The following ITGA3 variants were observed in gnomAD, a reference collection of about 807,000 sequenced individuals.
The protein encoded by ITGA3 is integrin alpha-3.
Under a neutral mutation model 131.1 loss-of-function variants are expected in ITGA3, and 70 were observed. That is an observed-to-expected ratio of 0.53 (90% CI 0.44 to 0.65). The LOEUF (loss-of-function observed/expected upper bound fraction) is 0.65, where lower values mean the gene tolerates loss of function less well. Among genes scored for constraint, ITGA3 ranks in the 30% least tolerant of loss-of-function variants. The probability of loss-of-function intolerance (pLI) is 0.00; values close to 1 mark genes in which losing one functional copy is unlikely to be tolerated. For missense variants in ITGA3, 1,098 were observed against 1,388.6 expected, an observed-to-expected ratio of 0.79 and a Z score of 3.33; for synonymous variants, 537 against 571.6, an observed-to-expected ratio of 0.94 and a Z score of 0.86.
chr17:50,072,234 C>T (rs763974233), intron 7 of ITGA3, 52 bp downstream of exon 7: 1 of 1,504,072 alleles, frequency 6.6e-7, no homozygotes. Flanking sequence ...CCCCTCCTCC[C>T]AGCACCCCTA....
intron 1 of ITGA3, among the ~76,000 whole-genome samples, chr17:50,063,274 C>T (rs974040443): frequency 3.9e-5 from 6 of 152,204 alleles, no homozygotes; most frequent in African/African-American, 1.2e-4. Flanking sequence ...GGGAACTCTG[C>T]TCTGGGGCCA....
intron 12 of ITGA3, among the ~76,000 whole-genome samples, 181 bp downstream of exon 12, chr17:50,075,916 G>A (rs753527407): frequency 6.6e-6 from 1 of 152,162 alleles, no homozygotes; most frequent in Non-Finnish European, 1.5e-5. Flanking sequence ...GAGGAGTGAT[G>A]GAGACCCTTG....
chr17:50,072,170 G>C lies in ITGA3; in HGVS notation c.1144G>C (p.Asp382His). Reference sequence around the variant, plus strand: ...GGCCAGCATTGGTGACATCAACCAGGATGGATTTCAGGGTATGAGCCAGCA... The same window carrying C: ...GGCCAGCATTGGTGACATCAACCAGCATGGATTTCAGGGTATGAGCCAGCA... ...SVASIGDINQ[D>H]GFQDIAVGAP... The change falls in exon 7 of 26, where the codon GAT becomes CAT. Residue 382 changes from aspartate (D) to histidine (H), a missense_variant. By Grantham distance (81) the Asp-to-His change is moderately conservative (BLOSUM62 -1). Coordinates refer to ENST00000320031, the MANE Select transcript of ITGA3 (RefSeq NM_002204.4). 6.2e-7 allele frequency: 1 copy of C among 1,613,268 alleles called. No individual in the cohort carries two copies. Among genetic ancestry groups the C allele is most frequent in the Non-Finnish European group, 8.5e-7 (1 of 1,179,864 alleles).
Position 50,074,480 on chromosome 17 carries a change from C to T in ITGA3, c.1415C>T (p.Thr472Ile), listed in dbSNP as rs773673876. Residue 472 changes from threonine (T) to isoleucine (I), a missense_variant, in exon 10 of 26, where the codon ACC becomes ATC. By Grantham distance (89) the Thr-to-Ile change is moderately conservative. Coordinates refer to ENST00000320031, the MANE Select transcript of ITGA3 (RefSeq NM_002204.4). ...ARPVINIVHKTLVPRPAVLDP... is the reference protein window; with the variant it reads ...ARPVINIVHKILVPRPAVLDP... ...CCCGTCATCAACATCGTCCACAAGA[C>T]CTTGGTGCCCAGGCCAGCTGTGCTG... 9 of 1,614,002 alleles carry T rather than the reference C, an allele frequency of 5.6e-6. No individual in the cohort carries two copies. The highest frequency in any genetic ancestry group is 7.6e-6 in the Non-Finnish European group (9 of 1,180,028).
intron 21 of ITGA3, 45 bp from the exon 22 acceptor site, chr17:50,080,217 G>A (rs1249285092): frequency 3.4e-6 from 4 of 1,183,574 alleles, no homozygotes; most frequent in Non-Finnish European, 5.0e-6. Context: ...TGAAGAATCT[G>A]GAGACTCAGA....
rs1401835929 is a variant in ITGA3, at chr17:50,064,975, G to C, written c.414+368G>C. 1 of 178,602 alleles carries C rather than the reference G, an allele frequency of 5.6e-6. No homozygotes were observed. The highest frequency in any genetic ancestry group is 1.2e-5 in the Non-Finnish European group (1 of 85,848). 11.1% of individuals were successfully genotyped at this position (178,602 alleles called of 1,614,324 possible). ...GCTGGCTGGCGCTCCTTCCTGGGAG[G>C]CTGACTGCCGGAAGAGGCCCAGCCC... On this transcript the variant is annotated intron_variant, in intron 3 of 25. Coordinates refer to ENST00000320031, the MANE Select transcript of ITGA3 (RefSeq NM_002204.4). This position sits in a 1 kb window ranked among gnomAD's most constrained non-coding sequence, Gnocchi z 4.4.
rs1312269788 is a variant in ITGA3, at chr17:50,072,111, A to C, written c.1085A>C (p.His362Pro). Reference protein sequence around the residue: ...SFPAHPSLLLHGPSGSAFGLS... With the variant: ...SFPAHPSLLLPGPSGSAFGLS... ...CCTGCTCACCCCTCACTCCTTCTTC[A>C]TGGCCCCAGTGGCTCTGCCTTTGGT... The change falls in exon 7 of 26, where the codon CAT (histidine) becomes CCT (proline). Residue 362 changes from histidine (H) to proline (P), a missense_variant. Transcript: ENST00000320031. The C allele has an allele frequency of 1.2e-6, 2 of 1,613,962 alleles. No individual in the cohort carries two copies. The highest frequency in any genetic ancestry group is 2.2e-5 in the East Asian group (1 of 44,864).
At chr17:50,057,908 G>A (rs1231857822) in intron 1 of ITGA3, among the ~76,000 whole-genome samples, 1 of 152,202 alleles carries the variant, frequency 6.6e-6, no homozygotes, top group Non-Finnish European at 1.5e-5. Flanking sequence ...CTCTTGCAGA[G>A]GCTAGGGCTA....
At chr17:50,058,854 T>C (rs1907950819) in intron 1 of ITGA3, among the ~76,000 whole-genome samples, 3 of 152,184 alleles carry the variant, frequency 2.0e-5, no homozygotes, top group African/African-American at 7.2e-5. Flanking sequence ...GAAAGTCTCT[T>C]TGGAAAAGTG....
intron 1 of ITGA3, among the ~76,000 whole-genome samples, chr17:50,059,129 C>CCAACCCAGGGCCCAGTCT (rs1907962310): frequency 1.3e-5 from 2 of 152,190 alleles, no homozygotes; most frequent in South Asian, 4.1e-4. Context: ...GGGGCTAGCC[C>CCAACCCAGGGCCCAGTCT]CAACCCAGGG....
intron 23 of ITGA3, 191 bp from the exon 24 acceptor site, chr17:50,087,553 G>A (rs1598200396): frequency 3.5e-6 from 2 of 578,890 alleles, no homozygotes; most frequent in South Asian, 2.5e-5. Flanking sequence ...AGTCAAGTCT[G>A]TGCCTGGGAG....
intron 6 of ITGA3, 55 bp from the exon 7 acceptor site, chr17:50,071,931 A>G: frequency 1.2e-5 from 18 of 1,478,234 alleles, no homozygotes; most frequent in Non-Finnish European, 1.7e-5. Context: ...AACAAGAACT[A>G]TGCTGCATAT....
intron 19 of ITGA3, 63 bp from the exon 20 acceptor site, chr17:50,079,013 G>A (rs531771729): frequency 1.3e-6 from 2 of 1,541,482 alleles, no homozygotes; most frequent in Admixed American, 3.3e-5. Flanking sequence ...GGAGGGTTGG[G>A]GGTTGGTAAG....
intron 3 of ITGA3, among the ~76,000 whole-genome samples, chr17:50,067,050 G>A (rs1294633239): frequency 6.6e-6 from 1 of 152,064 alleles, no homozygotes; most frequent in Non-Finnish European, 1.5e-5. Flanking sequence ...TGTGGTCTAG[G>A]AGCCCATTTA....
chr17:50,082,421 C>T (rs1909227641), intron 23 of ITGA3, among the ~76,000 whole-genome samples: 1 of 152,174 alleles, frequency 6.6e-6, no homozygotes, highest in South Asian at 2.1e-4. Flanking sequence ...TTGTGATCCA[C>T]CTGCCTCGGC....
At position 50,078,225 on chromosome 17, in the gene ITGA3, C is replaced by A. The variant is rs753132584; in HGVS notation, c.2238C>A (p.Asn746Lys). 177 of 1,613,930 alleles carry A rather than the reference C, an allele frequency of 1.1e-4. No individual in the cohort carries two copies. The highest frequency in any genetic ancestry group is 1.5e-4 in the Non-Finnish European group (174 of 1,179,976). ...TCCCAAGGTCGAGTCACCAGGACAACCTGTGGCCCATGATCCTCACTCTGC... is the reference window on the plus strand; with the variant it reads ...TCCCAAGGTCGAGTCACCAGGACAAACTGTGGCCCATGATCCTCACTCTGC... ...LQLSTSSHQD[N>K]LWPMILTLLV... Residue 746 changes from asparagine to lysine, a missense_variant, in exon 18 of 26, where the codon AAC (asparagine) becomes AAA (lysine). Asn to Lys is a moderately conservative substitution (Grantham distance 94). Transcript: ENST00000320031.
At position 50,078,877 on chromosome 17, in the gene ITGA3, G is replaced by T. The variant is rs1176098282; in HGVS notation, c.2351G>T (p.Gly784Val). The T allele has an allele frequency of 1.9e-6, 3 of 1,613,642 alleles. No individual in the cohort carries two copies. Among genetic ancestry groups the T allele is most frequent in the African/African-American group, 1.3e-5 (1 of 75,004 alleles). ...FFGGTVMGES[G>V]MKTVEDVGSP... ...GGGGGGACAGTGATGGGTGAGTCTG[G>T]CATGAAAACTGTGGAGGATGTAGGA... The change falls in exon 19 of 26, where the codon GGC becomes GTC. Residue 784 changes from glycine to valine, a missense_variant. Gly to Val is a moderately radical substitution (Grantham distance 109). Coordinates refer to ENST00000320031, the MANE Select transcript of ITGA3 (RefSeq NM_002204.4).
intron 23 of ITGA3, among the ~76,000 whole-genome samples, chr17:50,083,500 G>A (rs111413816): frequency 0.029 from 4,359 of 152,156 alleles, 228 homozygotes; most frequent in African/African-American, 0.1. Flanking sequence ...AGGCAGGCAG[G>A]TTGCTTGAGC....
intron 10 of ITGA3, 71 bp downstream of exon 10, chr17:50,074,605 C>A: frequency 9.2e-7 from 1 of 1,083,588 alleles, no homozygotes; most frequent in Non-Finnish European, 1.4e-6. Flanking sequence ...GCTCCCAAAC[C>A]CCTCCCCTGG....
Sources: gnomAD v4.1 joint callset for allele counts (sites outside exome capture counted in the v4.1 genomes callset) on GRCh38, gnomAD v4.1.1 for gene constraint, Gnocchi (gnomAD v3.1) non-coding constraint, MANE v1.5 for transcripts, NCBI Gene and HGNC (gene_info 2026-07-23, HGNC 2026-07-21) for gene names.